MAMDC2: variants seen among roughly 807,000 people sequenced by gnomAD.
MAMDC2 encodes the protein MAM domain containing 2.
Under a neutral mutation model 89.8 loss-of-function variants are expected in MAMDC2, and 57 were observed. The ratio of observed to expected loss-of-function variants is 0.63; its 90% CI spans 0.51 to 0.79. MAMDC2 has a LOEUF of 0.79. Among genes scored for constraint, MAMDC2 ranks in the 30% least tolerant of loss-of-function variants. MAMDC2 has a pLI of 0.00. For synonymous variants in MAMDC2, 313 were observed against 293.4 expected (o/e 1.07, Z -0.68); for missense variants, 800 against 820.6 (o/e 0.97, Z 0.31).
intron 2 of MAMDC2, among the ~76,000 whole-genome samples, chr9:70,107,885 G>C (rs1224209074): frequency 6.6e-6 from 1 of 152,170 alleles, no homozygotes; most frequent in East Asian, 1.9e-4. Context: ...AATGGGCCTG[G>C]TGTAAAAGAA....
intron 11 of MAMDC2, among the ~76,000 whole-genome samples, chr9:70,182,327 G>C (rs957980735): frequency 2.6e-5 from 4 of 152,018 alleles, no homozygotes; most frequent in African/African-American, 9.7e-5. Context: ...TTTTTTTGTT[G>C]TGTCTCTGCC....
intron 5 of MAMDC2, among the ~76,000 whole-genome samples, chr9:70,116,619 T>A (rs927543430): frequency 6.6e-6 from 1 of 151,856 alleles, no homozygotes; most frequent in Non-Finnish European, 1.5e-5. Flanking sequence ...AATCTCCAAG[T>A]TCACCATTCA....
In MAMDC2 at chr9:70,147,272, T is replaced by C. The variant is rs748522779; in HGVS notation, c.1404+3453T>C. 8.6e-4 allele frequency among the ~76,000 whole-genome samples: 129 copies of C among 150,046 alleles called. 8 individuals are homozygous for C. Among genetic ancestry groups the C allele is most frequent in the Non-Finnish European group, 1.5e-3 (102 of 67,462 alleles). ...GATTCCATCTCAAAAAATAAATAAA[T>C]AAATACATAAATATTTAAAATTCTA... On this transcript the variant is annotated intron_variant, in intron 9 of 13. Coordinates refer to ENST00000377182, the MANE Select transcript of MAMDC2 (RefSeq NM_153267.5).
At chr9:70,201,952 T>G (rs192439887) in intron 11 of MAMDC2, among the ~76,000 whole-genome samples, 19,099 of 148,704 alleles carry the variant, frequency 0.13, 1,462 homozygotes, top group African/African-American at 0.22. Context: ...CTTTTTTTCT[T>G]TATTAGTCTT....
chr9:70,198,593 T>TCTCTCTCCCTGATC (rs1491586534), intron 11 of MAMDC2, among the ~76,000 whole-genome samples: 1 of 151,098 alleles, frequency 6.6e-6, no homozygotes, highest in Non-Finnish European at 1.5e-5. Context: ...GTCATTCAGT[T>TCTCTCTCCCTGATC]CTCTCTCCCT....
intron 11 of MAMDC2, among the ~76,000 whole-genome samples, chr9:70,196,782 A>G (rs553650739): frequency 6.6e-6 from 1 of 152,066 alleles, no homozygotes; most frequent in Non-Finnish European, 1.5e-5. Context: ...CTCTGGTACC[A>G]TGTGGCAATG....
chr9:70,221,253 G>T (rs2033549292), intron 12 of MAMDC2, among the ~76,000 whole-genome samples: 1 of 149,002 alleles, frequency 6.7e-6, no homozygotes, highest in African/African-American at 2.5e-5. Context: ...ACTTCGGGAG[G>T]CCGAGGTGGG....
At chr9:70,127,569 C>G (rs1271082028) in intron 6 of MAMDC2, among the ~76,000 whole-genome samples, 1 of 151,896 alleles carries the variant, frequency 6.6e-6, no homozygotes, top group Non-Finnish European at 1.5e-5. Flanking sequence ...GTGCCATCTG[C>G]TAGCCTGATG....
intron 2 of MAMDC2, among the ~76,000 whole-genome samples, chr9:70,105,146 C>T: frequency 6.6e-6 from 1 of 152,054 alleles, no homozygotes; most frequent in East Asian, 1.9e-4. Context: ...TTAATATCTT[C>T]CTCATCCTAT....
At chr9:70,102,079 A>G (rs1828212248) in intron 2 of MAMDC2, among the ~76,000 whole-genome samples, 1 of 151,874 alleles carries the variant, frequency 6.6e-6, no homozygotes, top group African/African-American at 2.4e-5. Context: ...TATGAAAAAC[A>G]TATTTCGTAT....
chr9:70,110,318 T>C (rs2118265835), intron 4 of MAMDC2, among the ~76,000 whole-genome samples: 1 of 152,314 alleles, frequency 6.6e-6, no homozygotes, highest in South Asian at 2.1e-4. Flanking sequence ...CCTATGGTGG[T>C]TCAGTTCCTA....
intron 11 of MAMDC2, among the ~76,000 whole-genome samples, chr9:70,185,760 C>T (rs762072151): frequency 6.6e-6 from 1 of 152,200 alleles, no homozygotes; most frequent in Non-Finnish European, 1.5e-5. Context: ...AGGTCAACAT[C>T]AGACTGCTAT....
rs1215738162 is a variant in MAMDC2, at chr9:70,221,356, A to AATATATATATATATAT, written c.1911+2770_1911+2785dup. On this transcript the variant is annotated intron_variant, in intron 12 of 13. Coordinates refer to ENST00000377182, the MANE Select transcript of MAMDC2 (RefSeq NM_153267.5). ...AAAAAAAAAAGCAAGCCAAACAACAAATATATATATATATATATATATATA... is the reference window on the plus strand; with the variant it reads ...AAAAAAAAAAGCAAGCCAAACAACAAATATATATATATATATATATATATATATATATATATATATA... Among the ~76,000 whole-genome samples, 33 of 9,386 alleles carry AATATATATATATATAT rather than the reference A, an allele frequency of 3.5e-3. 6 individuals carry two copies. The highest frequency in any genetic ancestry group is 0.01 in the Admixed American group (4 of 398). 6.2% of individuals were successfully genotyped at this position (9,386 alleles called of 152,430 possible).
At chr9:70,136,206 C>T (rs574411182) in intron 7 of MAMDC2, among the ~76,000 whole-genome samples, 5 of 152,248 alleles carry the variant, frequency 3.3e-5, no homozygotes, top group Admixed American at 2.0e-4. Flanking sequence ...CCTCTCCTTC[C>T]CCCAAACCCG....
At chr9:70,138,560 C>A (rs1275477020) in intron 7 of MAMDC2, among the ~76,000 whole-genome samples, 2 of 152,158 alleles carry the variant, frequency 1.3e-5, no homozygotes, top group African/African-American at 4.8e-5. Context: ...CACATCCTCA[C>A]CAACATCTGT....
chr9:70,066,497 A>G (rs1261806434), intron 2 of MAMDC2, among the ~76,000 whole-genome samples: 1 of 152,086 alleles, frequency 6.6e-6, no homozygotes. Context: ...TAGGTAGTAT[A>G]CTGTGCAAGG....
chr9:70,176,349 C>T (rs2032500960), intron 11 of MAMDC2, among the ~76,000 whole-genome samples: 1 of 152,160 alleles, frequency 6.6e-6, no homozygotes, highest in African/African-American at 2.4e-5. Context: ...ATTGCTTTGT[C>T]TAAAGAAAAT....
chr9:70,047,704 T>TA (rs1296663375), intron 2 of MAMDC2, among the ~76,000 whole-genome samples: 1 of 152,194 alleles, frequency 6.6e-6, no homozygotes, highest in Non-Finnish European at 1.5e-5. Flanking sequence ...GTCCGTAGGT[T>TA]AATTTATTGT....
At chr9:70,113,182 G>A (rs769188503) in intron 5 of MAMDC2, 50 bp downstream of exon 5, 2 of 1,598,924 alleles carry the variant, frequency 1.3e-6, no homozygotes, top group Non-Finnish European at 1.7e-6. Context: ...TTTTTCTGCT[G>A]TCTCCTCCCA....
Sources: gnomAD v4.1 joint callset for allele counts (sites outside exome capture counted in the v4.1 genomes callset) on GRCh38, gnomAD v4.1.1 for gene constraint, MANE v1.5 for transcripts, NCBI Gene and HGNC (gene_info 2026-07-23, HGNC 2026-07-21) for gene names.